RALGPS2: variants seen among roughly 807,000 people sequenced by gnomAD.
The protein encoded by RALGPS2 is ras-specific guanine nucleotide-releasing factor RalGPS2.
RALGPS2 carries 43 observed loss-of-function variants against 86.8 expected under a neutral mutation model. The ratio of observed to expected loss-of-function variants is 0.50; its 90% CI spans 0.39 to 0.64. The LOEUF is 0.64. Ranked by LOEUF, RALGPS2 falls within the 30% of genes least tolerant of loss-of-function variation. RALGPS2 has a pLI of 0.00. For missense variants in RALGPS2, 536 were observed against 694.6 expected (o/e 0.77, Z 2.57); for synonymous variants, 243 against 231.3 (o/e 1.05, Z -0.46).
At chr1:178,777,852 G>C (rs1231869370) in intron 2 of RALGPS2, among the ~76,000 whole-genome samples, 1 of 147,794 alleles carries the variant, frequency 6.8e-6, no homozygotes, top group African/African-American at 2.5e-5. Flanking sequence ...GTAGAAAGCT[G>C]AAACTGGATC....
chr1:178,858,109 T>C (rs1657717376), intron 8 of RALGPS2, among the ~76,000 whole-genome samples: 1 of 152,156 alleles, frequency 6.6e-6, no homozygotes, highest in Non-Finnish European at 1.5e-5. Context: ...ATGGATAAAA[T>C]TTAGCAGTGC....
At chr1:178,837,864 G>A (rs1656357868) in intron 8 of RALGPS2, among the ~76,000 whole-genome samples, 2 of 152,190 alleles carry the variant, frequency 1.3e-5, no homozygotes. Flanking sequence ...TTAGCAAATG[G>A]CACACCAGGA....
chr1:178,838,978 A>C (rs1656436040), intron 8 of RALGPS2, among the ~76,000 whole-genome samples: 1 of 152,196 alleles, frequency 6.6e-6, no homozygotes, highest in African/African-American at 2.4e-5. Flanking sequence ...AGTAAAAAGA[A>C]ACGAACAAAG....
At chr1:178,775,222 T>C (rs1290783362) in intron 1 of RALGPS2, among the ~76,000 whole-genome samples, 1 of 152,170 alleles carries the variant, frequency 6.6e-6, no homozygotes, top group Admixed American at 6.5e-5. Flanking sequence ...CCCTATTTTA[T>C]AGATGAGAAA....
intron 1 of RALGPS2, among the ~76,000 whole-genome samples, chr1:178,760,482 G>A (rs1178881977): frequency 6.6e-6 from 1 of 152,134 alleles, no homozygotes; most frequent in East Asian, 1.9e-4. Flanking sequence ...TGTTTTCTGT[G>A]ATATAAGAAT....
intron 1 of RALGPS2, among the ~76,000 whole-genome samples, chr1:178,733,321 C>G (rs1162755324): frequency 6.6e-6 from 1 of 152,196 alleles, no homozygotes; most frequent in Non-Finnish European, 1.5e-5. Context: ...ATACTTATAT[C>G]TGTCAGAGGA....
intron 7 of RALGPS2, among the ~76,000 whole-genome samples, chr1:178,822,711 T>G (rs1655561793): frequency 6.6e-6 from 1 of 152,170 alleles, no homozygotes; most frequent in African/African-American, 2.4e-5. Flanking sequence ...AAATTCTTTT[T>G]AATAATTATG....
At chr1:178,734,747 T>C (rs1050370672) in intron 1 of RALGPS2, among the ~76,000 whole-genome samples, 3 of 152,270 alleles carry the variant, frequency 2.0e-5, no homozygotes, top group Middle Eastern at 3.4e-3. Context: ...TAAATGTAAA[T>C]GTTTGTTTTC....
chr1:178,845,130 A>T (rs1022383356), intron 8 of RALGPS2, among the ~76,000 whole-genome samples: 3 of 151,790 alleles, frequency 2.0e-5, no homozygotes, highest in Non-Finnish European at 2.9e-5. Flanking sequence ...ATATTTTTTG[A>T]ACTGTGGAAA....
intron 19 of RALGPS2, among the ~76,000 whole-genome samples, chr1:178,911,179 TC>T (rs1660608565): frequency 6.6e-6 from 1 of 152,100 alleles, no homozygotes; most frequent in Non-Finnish European, 1.5e-5. Flanking sequence ...AGTCTATCGA[TC>T]TTGTTTTTTC....
chr1:178,862,113 TC>T (rs1572419251), intron 8 of RALGPS2, among the ~76,000 whole-genome samples: 1 of 152,246 alleles, frequency 6.6e-6, no homozygotes, highest in Admixed American at 6.5e-5. Context: ...CCTCAAGTGA[TC>T]CGTCTGCCTC....
chr1:178,772,870 C>A (rs918602824), intron 1 of RALGPS2, among the ~76,000 whole-genome samples: 25 of 152,260 alleles, frequency 1.6e-4, no homozygotes, highest in African/African-American at 6.0e-4. Flanking sequence ...GGTGCAATCT[C>A]GGCTCACTGC....
At chr1:178,832,792 T>C (rs932715412) in intron 7 of RALGPS2, among the ~76,000 whole-genome samples, 13 of 151,842 alleles carry the variant, frequency 8.6e-5, no homozygotes, top group South Asian at 2.1e-4. Flanking sequence ...TTTTTTTTTT[T>C]CAACTCCCCT....
intron 1 of RALGPS2, among the ~76,000 whole-genome samples, chr1:178,756,352 G>T (rs907474529): frequency 1.3e-5 from 2 of 152,054 alleles, no homozygotes; most frequent in Non-Finnish European, 2.9e-5. Context: ...AAAGGTAGGG[G>T]TATAATTTCA....
At chr1:178,839,688 A>C (rs1381012088) in intron 8 of RALGPS2, among the ~76,000 whole-genome samples, 1 of 152,248 alleles carries the variant, frequency 6.6e-6, no homozygotes, top group Admixed American at 6.5e-5. Context: ...AATGGGCTAA[A>C]TGCTCCAATT....
At chr1:178,797,583 C>A (rs1402205344) in intron 4 of RALGPS2, among the ~76,000 whole-genome samples, 1 of 152,088 alleles carries the variant, frequency 6.6e-6, no homozygotes, top group East Asian at 1.9e-4. Context: ...GGCCCATAGG[C>A]AGTTATAAAA....
chr1:178,899,503 C>T (rs1450655708), intron 17 of RALGPS2, among the ~76,000 whole-genome samples: 5 of 151,746 alleles, frequency 3.3e-5, no homozygotes, highest in South Asian at 4.2e-4. Context: ...AAATTTTAAT[C>T]GTTTTCAAAT....
intron 1 of RALGPS2, among the ~76,000 whole-genome samples, chr1:178,740,513 T>G (rs1217134079): frequency 4.6e-5 from 7 of 152,074 alleles, no homozygotes. Flanking sequence ...TGGTGTAGAG[T>G]CCTGTAAAAC....
chr1:178,747,486 C>T, intron 1 of RALGPS2: 1 of 1,607,356 alleles, frequency 6.2e-7, no homozygotes, highest in Non-Finnish European at 8.5e-7. Flanking sequence ...GCACATTTAA[C>T]CAATTCTTTC....
Sources: gnomAD v4.1 joint callset for allele counts (sites outside exome capture counted in the v4.1 genomes callset) on GRCh38, gnomAD v4.1.1 for gene constraint, MANE v1.5 for transcripts, NCBI Gene and HGNC (gene_info 2026-07-23, HGNC 2026-07-21) for gene names.